Variants in DOCK3 observed in about 807,000 individuals in gnomAD.
DOCK3 encodes dedicator of cytokinesis protein 3.
A neutral mutation model predicts 265.6 loss-of-function variants in DOCK3; 60 were observed. The ratio of observed to expected loss-of-function variants is 0.23; its 90% CI spans 0.18 to 0.28. DOCK3 has a LOEUF of 0.28. Ranked by LOEUF, DOCK3 falls within the 10% of genes least tolerant of loss-of-function variation. The pLI is 1.00. For missense variants in DOCK3, 1,981 were observed against 2,594.3 expected (o/e 0.76, Z 5.14); for synonymous variants, 881 against 938.0 (o/e 0.94, Z 1.11).
intron 9 of DOCK3, among the ~76,000 whole-genome samples, chr3:51,141,432 A>G (rs1352595695): frequency 6.6e-6 from 1 of 151,890 alleles, no homozygotes; most frequent in Non-Finnish European, 1.5e-5. Flanking sequence ...TATATTTTCT[A>G]CTAAGAATTT....
At chr3:51,159,666 A>G (rs1289244282) in intron 11 of DOCK3, among the ~76,000 whole-genome samples, 7 of 152,182 alleles carry the variant, frequency 4.6e-5, no homozygotes, top group Admixed American at 3.3e-4. Context: ...CCAACTTCAC[A>G]GCAAAGGCCA....
intron 1 of DOCK3, among the ~76,000 whole-genome samples, chr3:50,717,883 C>T (rs1275875903): frequency 6.6e-6 from 1 of 152,166 alleles, no homozygotes; most frequent in Non-Finnish European, 1.5e-5. Flanking sequence ...CTTCAGCCTC[C>T]CAAAGTGCTG....
chr3:50,931,869 T>G (rs1432163025), intron 4 of DOCK3, among the ~76,000 whole-genome samples: 3 of 152,170 alleles, frequency 2.0e-5, no homozygotes, highest in African/African-American at 7.2e-5. Context: ...CTGTACTGCT[T>G]TGTGGGAGGA....
chr3:50,760,868 G>A (rs1475028366), intron 1 of DOCK3, among the ~76,000 whole-genome samples: 1 of 150,588 alleles, frequency 6.6e-6, no homozygotes, highest in Non-Finnish European at 1.5e-5. Flanking sequence ...TGCAAGCTCC[G>A]CCTCCTGGGT....
At chr3:50,852,697 A>G (rs1018678005) in intron 3 of DOCK3, among the ~76,000 whole-genome samples, 9 of 151,558 alleles carry the variant, frequency 5.9e-5, no homozygotes, top group African/African-American at 2.2e-4. Flanking sequence ...GCTTTTGTTG[A>G]TGTTTTAAAA....
At chr3:50,779,327 T>G (rs1419079876) in intron 2 of DOCK3, among the ~76,000 whole-genome samples, 2 of 152,190 alleles carry the variant, frequency 1.3e-5, no homozygotes, top group East Asian at 3.8e-4. Flanking sequence ...TCCGTCTGAT[T>G]GGCTGGGCAT....
In DOCK3 at chr3:51,160,618, G is replaced by T. The variant is rs777884614; in HGVS notation, c.953G>T (p.Gly318Val). ...CACCTGCACTACAGGCGACCATATGGCTGTGCGGTCCTAAGCATCTTGGAT... is the reference window on the plus strand; with the variant it reads ...CACCTGCACTACAGGCGACCATATGTCTGTGCGGTCCTAAGCATCTTGGAT... Reference protein sequence around the residue: ...PPHLHYRRPYGCAVLSILDVL... With the variant: ...PPHLHYRRPYVCAVLSILDVL... The change falls in exon 12 of 53, where the codon GGC (glycine) becomes GTC (valine). Residue 318 changes from glycine (G) to valine (V), a missense_variant. Transcript: ENST00000266037. 10 of 1,613,042 alleles carry T rather than the reference G, an allele frequency of 6.2e-6. No individual in the cohort carries two copies. Among genetic ancestry groups the T allele is most frequent in the Non-Finnish European group, 5.1e-6 (6 of 1,179,522 alleles).
In DOCK3 at chr3:51,320,618, G is replaced by A. The variant is rs186913876; in HGVS notation, c.3402+5490G>A. On this transcript the variant is annotated intron_variant, in intron 32 of 52. Coordinates refer to ENST00000266037, the MANE Select transcript of DOCK3 (RefSeq NM_004947.5). ...CAGCACAGCAGTCCGAGGTCGACCT[G>A]GGACACTCGAGCCTGGTTGGGAGAG... 1.8e-4 allele frequency among the ~76,000 whole-genome samples: 27 copies of A among 152,282 alleles called. No homozygotes were observed. The East Asian group carries it at 4.3e-3, about 24-fold the overall frequency.
intron 5 of DOCK3, among the ~76,000 whole-genome samples, chr3:51,042,225 T>C (rs1225264532): frequency 6.6e-6 from 1 of 152,100 alleles, no homozygotes; most frequent in Non-Finnish European, 1.5e-5. Context: ...CATCAAAAAG[T>C]GAATCTACCA....
chr3:51,134,520 T>G (rs2107027067), intron 9 of DOCK3, among the ~76,000 whole-genome samples: 1 of 152,308 alleles, frequency 6.6e-6, no homozygotes, highest in East Asian at 1.9e-4. Flanking sequence ...TATGTCTCTT[T>G]GGTGGGAATG....
chr3:51,116,450 C>CAAAAAAA (rs55898136), intron 9 of DOCK3, among the ~76,000 whole-genome samples: 2 of 54,926 alleles, frequency 3.6e-5, no homozygotes. Flanking sequence ...GACTCCATCT[C>CAAAAAAA]AAAAAAAAAA....
intron 5 of DOCK3, among the ~76,000 whole-genome samples, chr3:51,056,739 A>T (rs1269624339): frequency 6.6e-6 from 1 of 152,104 alleles, no homozygotes. Context: ...TTTTGAATAA[A>T]CTCAAGTTCT....
chr3:51,183,751 G>C (rs1381436554), intron 12 of DOCK3, among the ~76,000 whole-genome samples: 2 of 152,254 alleles, frequency 1.3e-5, no homozygotes, highest in East Asian at 3.9e-4. Context: ...TAGAATAGGA[G>C]GTTATACATA....
At chr3:51,276,362 T>C in intron 25 of DOCK3, 2 of 985,318 alleles carry the variant, frequency 2.0e-6, no homozygotes, top group Non-Finnish European at 2.4e-6. Flanking sequence ...AAGGTTGTAT[T>C]GAGGGGGTGG....
chr3:51,315,397 C>T (rs2083309577), intron 32 of DOCK3, among the ~76,000 whole-genome samples: 1 of 152,196 alleles, frequency 6.6e-6, no homozygotes, highest in African/African-American at 2.4e-5. Context: ...TGTAGCCTCC[C>T]AGTTTCAATC....
chr3:51,189,620 C>T (rs1014356549), intron 12 of DOCK3, among the ~76,000 whole-genome samples: 12 of 152,278 alleles, frequency 7.9e-5, no homozygotes, highest in African/African-American at 2.6e-4. Context: ...AGTAGTATTC[C>T]ATGGTGTATA....
At chr3:50,974,460 C>T (rs1386582885) in intron 5 of DOCK3, among the ~76,000 whole-genome samples, 2 of 151,780 alleles carry the variant, frequency 1.3e-5, no homozygotes, top group African/African-American at 4.8e-5. Context: ...AGATATGCAG[C>T]GTTATTTCTG....
chr3:50,923,901 G>A (rs1347285387), intron 4 of DOCK3, among the ~76,000 whole-genome samples: 1 of 152,132 alleles, frequency 6.6e-6, no homozygotes, highest in Non-Finnish European at 1.5e-5. Context: ...GATCTTTTGG[G>A]TTCCATTCAT....
At chr3:51,263,226 C>T (rs963954286) in intron 23 of DOCK3, among the ~76,000 whole-genome samples, 2 of 152,340 alleles carry the variant, frequency 1.3e-5, no homozygotes, top group South Asian at 2.1e-4. Context: ...GATTTCTCTG[C>T]AGAAACCCTA....
Sources: allele counts gnomAD v4.1 joint callset (sites outside exome capture counted in the v4.1 genomes callset), GRCh38; gene constraint gnomAD v4.1.1; transcripts MANE v1.5; gene names NCBI Gene and HGNC (gene_info 2026-07-23, HGNC 2026-07-21).